The following ZMYM6 variants were observed in gnomAD, a reference collection of about 807,000 sequenced individuals.
The protein encoded by ZMYM6 is zinc finger MYM-type containing 6.
ZMYM6 carries 90 observed loss-of-function variants against 134.0 expected under a neutral mutation model. The ratio of observed to expected loss-of-function variants is 0.67; its 90% CI spans 0.57 to 0.80. The LOEUF (loss-of-function observed/expected upper bound fraction) is 0.80, where lower values mean the gene tolerates loss of function less well. ZMYM6 is among the 30% of genes least tolerant of loss of function. ZMYM6 has a pLI of 0.00. For synonymous variants in ZMYM6, 481 were observed against 524.1 expected, an observed-to-expected ratio of 0.92 and a Z score of 1.12; for missense variants, 1,362 against 1,533.9, an observed-to-expected ratio of 0.89 and a Z score of 1.87.
chr1:35,030,714 C>G lies in ZMYM6; in HGVS notation c.-74-1G>C. On this transcript the variant is annotated splice_acceptor_variant, in intron 1 of 15. Coordinates refer to ENST00000357182, the MANE Select transcript of ZMYM6 (RefSeq NM_007167.4). LOFTEE classifies it low-confidence loss of function (5UTR_SPLICE). ...TTCTTGGTAATGGATAGTTGGACAC[C>G]TAAAATACATACTCAGGCTTATTCT... 1 of 1,345,462 alleles carries G rather than the reference C, an allele frequency of 7.4e-7. No homozygotes were observed. The allele number at this position is 1,345,462 out of a possible 1,614,324, so 83.3% of individuals were successfully genotyped here.
rs1296601936 is a variant in ZMYM6, at chr1:34,987,165, A to AG, written c.3916dup (p.Leu1306ProfsTer40). The AG allele has an allele frequency of 6.3e-7, 1 of 1,598,384 alleles. No individual in the cohort carries two copies. The highest frequency in any genetic ancestry group is 1.4e-5 in the African/African-American group (1 of 73,950). On this transcript the variant is annotated frameshift_variant, in exon 16 of 16. Coordinates refer to ENST00000357182, the MANE Select transcript of ZMYM6 (RefSeq NM_007167.4). LOFTEE classifies it high-confidence loss of function. Reference sequence around the variant, plus strand: ...AATTAAAGATGTGACTGCAAGTCTTAGGGCAGGGCCAGAACCCAACAGATT... The same window carrying AG: ...AATTAAAGATGTGACTGCAAGTCTTAGGGGCAGGGCCAGAACCCAACAGATT...
chr1:34,992,813 C>CTATAAATATAAAAATATAT (rs1640707210), intron 14 of ZMYM6, among the ~76,000 whole-genome samples: 2 of 100,574 alleles, frequency 2.0e-5, no homozygotes, highest in Admixed American at 1.8e-4. Context: ...TAAAAATATA[C>CTATAAATATAAAAATATAT]TTATAAACTA....
chr1:34,998,635 G>GA (rs1371479825), intron 14 of ZMYM6, among the ~76,000 whole-genome samples: 1 of 152,186 alleles, frequency 6.6e-6, no homozygotes, highest in African/African-American at 2.4e-5. Flanking sequence ...AAGAAGTAGG[G>GA]ATCACTGAAG....
intron 12 of ZMYM6, among the ~76,000 whole-genome samples, chr1:35,006,542 G>C (rs1640970053): frequency 6.6e-6 from 1 of 152,116 alleles, no homozygotes; most frequent in Non-Finnish European, 1.5e-5. Flanking sequence ...AGCAAGCTCT[G>C]AAACAAATTT....
intron 2 of ZMYM6, among the ~76,000 whole-genome samples, chr1:35,021,430 C>T (rs946709971): frequency 6.6e-6 from 1 of 151,954 alleles, no homozygotes; most frequent in Non-Finnish European, 1.5e-5. Flanking sequence ...CAGGTGTGAG[C>T]CACTGCACCC....
intron 14 of ZMYM6, among the ~76,000 whole-genome samples, chr1:35,002,361 G>A (rs1640894800): frequency 6.6e-6 from 1 of 152,160 alleles, no homozygotes; most frequent in Non-Finnish European, 1.5e-5. Flanking sequence ...CAGCTTGCCA[G>A]TGCATTTTTA....
In ZMYM6 at chr1:34,988,072, T is replaced by A; in HGVS notation, c.3010A>T (p.Thr1004Ser). The change falls in exon 16 of 16, where the codon ACA (threonine) becomes TCA (serine). Residue 1004 changes from threonine to serine, a missense_variant. Physicochemically the swap from Thr to Ser is moderately conservative, Grantham distance 58 (BLOSUM62 1). Transcript: ENST00000357182. Reference protein sequence around the residue: ...KAKIQEVAMNTAAFTHCFIHR... With the variant: ...KAKIQEVAMNSAAFTHCFIHR... ...ATAAAACAATGTGTAAATGCCGCTG[T>A]ATTCATGGCAACTTCTTGAATTTTT... is the stretch of plus-strand genomic sequence containing the variant. 1 of 1,551,590 alleles carries A rather than the reference T, an allele frequency of 6.4e-7. No homozygotes were observed.
At chr1:35,021,448 A>G (rs1641308180) in intron 2 of ZMYM6, among the ~76,000 whole-genome samples, 1 of 151,924 alleles carries the variant, frequency 6.6e-6, no homozygotes, top group Non-Finnish European at 1.5e-5. Context: ...CCCGGCAAAA[A>G]GGAGCAATAA....
rs900020227 is a variant in ZMYM6 at position 35,013,229 on chromosome 1, C to T, written c.796-648G>A. 5.7e-6 allele frequency: 4 copies of T among 702,130 alleles called. No homozygotes were observed. The African/African-American group carries it at 5.8e-5, about 10-fold the overall frequency. 43.5% of individuals were successfully genotyped at this position (702,130 alleles called of 1,614,324 possible). On this transcript the variant is annotated intron_variant, in intron 6 of 15. Transcript: ENST00000357182. ...GAAACCTTTCAACAACAGAGTGAGGCGCTCTCAAAAATTACATTAACAAAA... is the reference window on the plus strand; with the variant it reads ...GAAACCTTTCAACAACAGAGTGAGGTGCTCTCAAAAATTACATTAACAAAA...
At chr1:34,996,853 T>G (rs766457376) in intron 14 of ZMYM6, among the ~76,000 whole-genome samples, 3 of 152,204 alleles carry the variant, frequency 2.0e-5, no homozygotes, top group African/African-American at 7.2e-5. Flanking sequence ...ACCCTGCCCA[T>G]GTAGAGCTAT....
chr1:35,029,528 T>C (rs1337803300), intron 2 of ZMYM6, among the ~76,000 whole-genome samples: 1 of 152,216 alleles, frequency 6.6e-6, no homozygotes, highest in Non-Finnish European at 1.5e-5. Flanking sequence ...TGATATAATA[T>C]ATACTACATA....
chr1:35,005,629 C>CAAAAAAAAAAAAAAAAAA (rs1182722333), intron 12 of ZMYM6, among the ~76,000 whole-genome samples: 1 of 59,296 alleles, frequency 1.7e-5, no homozygotes, highest in Non-Finnish European at 4.1e-5. Flanking sequence ...AACCTAGTCT[C>CAAAAAAAAAAAAAAAAAA]AAAAAAAAAA....
chr1:34,993,995 G>A (rs910072605), intron 14 of ZMYM6, among the ~76,000 whole-genome samples: 67 of 133,652 alleles, frequency 5.0e-4, no homozygotes, highest in Admixed American at 8.5e-4. Flanking sequence ...AAAAAGTAAA[G>A]TTTTTTAATC....
At chr1:35,026,171 C>T (rs578229943) in intron 2 of ZMYM6, among the ~76,000 whole-genome samples, 2 of 152,070 alleles carry the variant, frequency 1.3e-5, no homozygotes, top group Non-Finnish European at 2.9e-5. Flanking sequence ...CAGGCGCCCA[C>T]CACCGCGCCC....
At position 35,012,554 on chromosome 1, in the gene ZMYM6, G is replaced by A. The variant is rs1192843398; in HGVS notation, c.823C>T (p.Leu275=). The A allele has an allele frequency of 6.2e-7, 1 of 1,613,188 alleles. No homozygotes were observed. The highest frequency in any genetic ancestry group is 8.5e-7 in the Non-Finnish European group (1 of 1,179,730). ...GCTGAGGGCCTCAATGACTTCCCCA[G>A]GGCATATGGAGGAATTTGGGCAGAA... ...QNSAQIPPYA[L]GKSLRPSAEM... is the part of the protein sequence containing the mutation. Residue 275 remains leucine, a synonymous_variant, in exon 7 of 16, where the codon CTG becomes TTG. Coordinates refer to ENST00000357182, the MANE Select transcript of ZMYM6 (RefSeq NM_007167.4).
rs1445466647 is a variant in ZMYM6 at position 34,987,657 on chromosome 1, T to C, written c.3425A>G (p.Asn1142Ser). 5 of 1,560,194 alleles carry C rather than the reference T, an allele frequency of 3.2e-6. No individual in the cohort carries two copies. The Admixed American group carries it at 9.7e-5, about 30-fold the overall frequency. The stretch of plus-strand genomic sequence containing the variant: ...CTTTCTCTTAAATACATCAATTTTA[T>C]TACACAAATTGAAGAAAGTAGTCAA... Reference protein sequence around the residue: ...GTLTTFFNLCNKIDVFKRKLK... With the variant: ...GTLTTFFNLCSKIDVFKRKLK... The change falls in exon 16 of 16, where the codon AAT becomes AGT. Residue 1142 changes from asparagine (N) to serine (S), a missense_variant. Asn to Ser is a conservative substitution (Grantham distance 46, BLOSUM62 1). Transcript: ENST00000357182.
At chr1:35,020,568 CT>C (rs942213398) in intron 2 of ZMYM6, 101 bp from the exon 3 acceptor site, 20,742 of 241,090 alleles carry the variant, frequency 0.086, 60 homozygotes, top group East Asian at 0.22. Flanking sequence ...TATTCATCTC[CT>C]TTTTTTTTTT....
intron 13 of ZMYM6, 59 bp downstream of exon 13, chr1:35,005,073 T>G: frequency 6.3e-7 from 1 of 1,596,022 alleles, no homozygotes; most frequent in Non-Finnish European, 8.6e-7. Flanking sequence ...AGAGAACTAC[T>G]TAGGCTAGAC....
rs1405343535 is a variant in ZMYM6 at position 34,988,258 on chromosome 1, A to G, written c.2824T>C (p.Leu942=). The change falls in exon 16 of 16, where the codon TTA becomes CTA. Residue 942 remains leucine (L), a synonymous_variant. Coordinates refer to ENST00000357182, the MANE Select transcript of ZMYM6 (RefSeq NM_007167.4). ...DYDCRDVKEE[L]LFCIEMPTQI... ...GTAGGCATTTCAATGCAAAATAATAATTCTTCTTTTACATCACGACAATCA... is the reference window on the plus strand; with the variant it reads ...GTAGGCATTTCAATGCAAAATAATAGTTCTTCTTTTACATCACGACAATCA... 6 of 1,550,274 alleles carry G rather than the reference A, an allele frequency of 3.9e-6. No homozygotes were observed. Among genetic ancestry groups the G allele is most frequent in the Non-Finnish European group, 4.4e-6 (5 of 1,146,270 alleles).
Sources: gnomAD v4.1 joint callset for allele counts (sites outside exome capture counted in the v4.1 genomes callset) on GRCh38, gnomAD v4.1.1 for gene constraint, MANE v1.5 for transcripts, NCBI Gene and HGNC (gene_info 2026-07-23, HGNC 2026-07-21) for gene names.